Variants in LFNG observed in about 807,000 individuals in gnomAD.
The protein encoded by LFNG is LFNG O-fucosylpeptide 3-beta-N-acetylglucosaminyltransferase.
A neutral mutation model predicts 32.7 loss-of-function variants in LFNG; 15 were observed. The observed-to-expected ratio is 0.46, with a 90% CI of 0.31 to 0.71. The LOEUF (loss-of-function observed/expected upper bound fraction) is 0.71, where lower values mean the gene tolerates loss of function less well. Ranked by LOEUF, LFNG falls within the 30% of genes least tolerant of loss-of-function variation. The pLI, the probability that LFNG is intolerant of heterozygous loss-of-function variation, is 0.06. For missense variants in LFNG, 520 were observed against 545.7 expected (o/e 0.95, Z 0.47); for synonymous variants, 274 against 246.8 (o/e 1.11, Z -1.03).
At chr7:2,525,178 A>G in intron 2 of LFNG, 41 bp from the exon 3 acceptor site, 4 of 1,560,546 alleles carry the variant, frequency 2.6e-6, no homozygotes, top group Non-Finnish European at 3.5e-6. Flanking sequence ...CCTCTCTGGG[A>G]GCCGGCTCAG....
upstream of LFNG, among the ~76,000 whole-genome samples, chr7:2,519,571 G>A (rs1449007672): frequency 6.6e-6 from 1 of 150,538 alleles, no homozygotes; most frequent in African/African-American, 2.4e-5. Flanking sequence ...CGGGGGGGGT[G>A]CGGGGCGTGC....
Position 2,525,270 on chromosome 7 carries a change from C to G in LFNG, c.533C>G (p.Ser178Cys), listed in dbSNP as rs1562554228. The stretch of plus-strand genomic sequence containing the variant: ...GCCGCCCACAGCCGCCAGGCGCTGT[C>G]CTGCAAGATGGCCGTGGAGTATGAC... ...CSAAHSRQAL[S>C]CKMAVEYDRF... Residue 178 changes from serine (S) to cysteine (C), a missense_variant, in exon 3 of 8, where the codon TCC becomes TGC. Physicochemically the swap from Ser to Cys is moderately radical, Grantham distance 112 (BLOSUM62 -1). Coordinates refer to ENST00000222725, the MANE Select transcript of LFNG (RefSeq NM_001040167.2). The G allele has an allele frequency of 4.3e-6, 7 of 1,613,038 alleles. No individual in the cohort carries two copies. The highest frequency in any genetic ancestry group is 5.9e-6 in the Non-Finnish European group (7 of 1,179,908).
rs1340880307 is a variant in LFNG at position 2,520,753 on chromosome 7, T to C, written c.432+460T>C. 1.3e-5 allele frequency among the ~76,000 whole-genome samples: 2 copies of C among 152,048 alleles called. No homozygotes were observed. The highest frequency in any genetic ancestry group is 2.4e-5 in the African/African-American group (1 of 41,378). On this transcript the variant is annotated intron_variant, in intron 1 of 7. Coordinates refer to ENST00000222725, the MANE Select transcript of LFNG (RefSeq NM_001040167.2). The surrounding 1 kb of genome is among the most constrained non-coding windows in gnomAD (Gnocchi z 5.0). ...CCTCTGGGCCCTTTCCTCATCACAG[T>C]GTTAAGGTACGGGGAGGGAGGGAAG...
Position 2,524,683 on chromosome 7 carries a change from T to G in LFNG, c.433-12T>G. 1.3e-6 allele frequency: 2 copies of G among 1,581,060 alleles called. No homozygotes were observed. The highest frequency in any genetic ancestry group is 1.7e-6 in the Non-Finnish European group (2 of 1,163,380). ...AAGGGCTGCCTGCTGAAGGCCGATTTTCTCCTTCCAGACGTTCATCTTCAC... is the reference window on the plus strand; with the variant it reads ...AAGGGCTGCCTGCTGAAGGCCGATTGTCTCCTTCCAGACGTTCATCTTCAC... On this transcript the variant is annotated splice_polypyrimidine_tract_variant and intron_variant, in intron 1 of 7. Coordinates refer to ENST00000222725, the MANE Select transcript of LFNG (RefSeq NM_001040167.2).
chr7:2,521,958 G>A (rs1464211118), intron 1 of LFNG, among the ~76,000 whole-genome samples: 1 of 152,180 alleles, frequency 6.6e-6, no homozygotes, highest in East Asian at 1.9e-4. Flanking sequence ...CCCACCAGGG[G>A]ACAGGTTGAA....
Position 2,526,295 on chromosome 7 carries a change from C to T in LFNG, c.873C>T (p.Cys291=), listed in dbSNP as rs1227259003. 1 of 1,613,014 alleles carries T rather than the reference C, an allele frequency of 6.2e-7. No homozygotes were observed. The highest frequency in any genetic ancestry group is 1.1e-5 in the South Asian group (1 of 91,084). The stretch of plus-strand genomic sequence containing the variant: ...AGCGGATCCGGCTGCCTGATGACTG[C>T]ACCATCGGCTACATCGTGGAGGCCC... ...TAERIRLPDD[C]TIGYIVEALL... is the part of the protein sequence containing the mutation. The change falls in exon 6 of 8, where the codon TGC becomes TGT. Residue 291 remains cysteine, a synonymous_variant. Coordinates refer to ENST00000222725, the MANE Select transcript of LFNG (RefSeq NM_001040167.2). The surrounding 1 kb of genome is among the most constrained non-coding windows in gnomAD (Gnocchi z 6.9).
intron 5 of LFNG, among the ~76,000 whole-genome samples, chr7:2,525,995 C>T (rs1050772484): frequency 6.6e-6 from 1 of 151,726 alleles, no homozygotes; most frequent in East Asian, 2.0e-4. Context: ...GCGATGAGCA[C>T]CCCAGGCACC....
At position 2,520,319 on chromosome 7, in the gene LFNG, C is replaced by A; in HGVS notation, c.432+26C>A. The A allele has an allele frequency of 6.3e-7, 1 of 1,594,910 alleles. No homozygotes were observed. On this transcript the variant is annotated intron_variant, in intron 1 of 7. Transcript: ENST00000222725. The surrounding 1 kb of genome is among the most constrained non-coding windows in gnomAD (Gnocchi z 5.0). ...GTGAGCCCCCCGCGGCCTGGACTGGCGGGCGAGCGGGGCGGGGACCCACCA... is the reference window on the plus strand; with the variant it reads ...GTGAGCCCCCCGCGGCCTGGACTGGAGGGCGAGCGGGGCGGGGACCCACCA...
chr7:2,512,751 C>A (rs1355550344), intron 1 of LFNG: 1 of 1,574,718 alleles, frequency 6.4e-7, no homozygotes, highest in Non-Finnish European at 8.7e-7. Flanking sequence ...AGAGCCGTCC[C>A]TCTTGCTCGT....
At position 2,525,571 on chromosome 7, in the gene LFNG, A is replaced by G; in HGVS notation, c.735+4A>G. Reference sequence around the variant, plus strand: ...GCGGGTCAGCGAGAACAAGGTGGTGAGTGCCTGCCCCTCCCAGTCCCCCAC... The same window carrying G: ...GCGGGTCAGCGAGAACAAGGTGGTGGGTGCCTGCCCCTCCCAGTCCCCCAC... On this transcript the variant is annotated splice_donor_region_variant and intron_variant, in intron 4 of 7. Coordinates refer to ENST00000222725, the MANE Select transcript of LFNG (RefSeq NM_001040167.2). 1 of 1,612,268 alleles carries G rather than the reference A, an allele frequency of 6.2e-7. No homozygotes were observed.
At chr7:2,513,852 A>G (rs1373220713), upstream of LFNG, among the ~76,000 whole-genome samples, 2 of 152,214 alleles carry the variant, frequency 1.3e-5, no homozygotes, top group African/African-American at 4.8e-5. Context: ...ATCCAGCCCC[A>G]TGGCCCAGCT....
intron 1 of LFNG, 47 bp from the exon 2 acceptor site, chr7:2,524,648 G>A (rs1390003209): frequency 1.3e-6 from 2 of 1,548,860 alleles, no homozygotes; most frequent in Admixed American, 1.9e-5. Flanking sequence ...ATGGCCCTGG[G>A]GTGGGGATGA....
chr7:2,526,532 T>C lies in LFNG; in HGVS notation c.987+123T>C. 9.2e-7 allele frequency: 1 copy of C among 1,084,352 alleles called. No individual in the cohort carries two copies. The highest frequency in any genetic ancestry group is 1.4e-6 in the Non-Finnish European group (1 of 740,226). The allele number at this position is 1,084,352 out of a possible 1,614,324, so 67.2% of individuals were successfully genotyped here. On this transcript the variant is annotated intron_variant, in intron 6 of 7. Coordinates refer to ENST00000222725, the MANE Select transcript of LFNG (RefSeq NM_001040167.2). The surrounding 1 kb of genome is among the most constrained non-coding windows in gnomAD (Gnocchi z 6.9). ...AGGGAGGCCAGGCAGCACTCCACTG[T>C]CAGCCAGGGGGGGTCACTCCTGCCA...
intron 1 of LFNG, among the ~76,000 whole-genome samples, chr7:2,523,035 C>T (rs950880636): frequency 1.4e-4 from 22 of 152,242 alleles, no homozygotes; most frequent in African/African-American, 5.1e-4. Context: ...AGAGGCCTCC[C>T]TGCTCCCTGA....
At position 2,528,097 on chromosome 7, in the gene LFNG, TTTATC is replaced by T; in HGVS notation, c.*893_*897del. The stretch of plus-strand genomic sequence containing the variant: ...GGGTGGGGGTGGGGGAGGGTCTTAT[TTTATC>T]TTATCTTTTCTGTGGATCAGAAAAA... On this transcript the variant is annotated 3_prime_UTR_variant, in exon 8 of 8. Coordinates refer to ENST00000222725, the MANE Select transcript of LFNG (RefSeq NM_001040167.2). 2 of 961,204 alleles carry T rather than the reference TTTATC, an allele frequency of 2.1e-6. No homozygotes were observed. Among genetic ancestry groups the T allele is most frequent in the Non-Finnish European group, 2.5e-6 (2 of 808,270 alleles). The allele number at this position is 961,204 out of a possible 1,614,324, so 59.5% of individuals were successfully genotyped here. A position where few individuals can be genotyped will look rare whatever the true frequency, so the allele number is the denominator to read the frequency against.
upstream of LFNG, among the ~76,000 whole-genome samples, chr7:2,515,044 A>G (rs369722727): frequency 1.2e-3 from 71 of 59,646 alleles, 1 homozygote; most frequent in East Asian, 0.099. Context: ...CCATCCATCC[A>G]TCTGTCCATC....
Position 2,527,351 on chromosome 7 carries a change from T to G in LFNG, c.*139T>G. 1 of 1,522,018 alleles carries G rather than the reference T, an allele frequency of 6.6e-7. No homozygotes were observed. The highest frequency in any genetic ancestry group is 1.2e-5 in the South Asian group (1 of 82,848). The allele number at this position is 1,522,018 out of a possible 1,614,324, so 94.3% of individuals were successfully genotyped here. On this transcript the variant is annotated 3_prime_UTR_variant, in exon 8 of 8. Coordinates refer to ENST00000222725, the MANE Select transcript of LFNG (RefSeq NM_001040167.2). The surrounding 1 kb of genome is among the most constrained non-coding windows in gnomAD (Gnocchi z 4.4). Reference sequence around the variant, plus strand: ...GTGTGCGTGTGCGTGTGTGTGTGTGTGTACTGCATGCCCACCCGGGTAGCA... The same window carrying G: ...GTGTGCGTGTGCGTGTGTGTGTGTGGGTACTGCATGCCCACCCGGGTAGCA...
At chr7:2,512,832 T>G (rs1779525812) in intron 1 of LFNG, 19 of 831,614 alleles carry the variant, frequency 2.3e-5, no homozygotes, top group Non-Finnish European at 3.8e-5. Context: ...CTTCTCTTTA[T>G]CTCCAGCCTC....
upstream of LFNG, among the ~76,000 whole-genome samples, chr7:2,515,123 C>T (rs1444945716): frequency 6.6e-6 from 1 of 151,734 alleles, no homozygotes; most frequent in African/African-American, 2.4e-5. Flanking sequence ...TCCATCTGCC[C>T]CTCCATCTAA....
Sources: gnomAD v4.1 joint callset for allele counts (sites outside exome capture counted in the v4.1 genomes callset) on GRCh38, gnomAD v4.1.1 for gene constraint, Gnocchi (gnomAD v3.1) non-coding constraint, MANE v1.5 for transcripts, NCBI Gene and HGNC (gene_info 2026-07-23, HGNC 2026-07-21) for gene names.